Variants in TLE4 observed in about 807,000 individuals in gnomAD.
TLE4 encodes TLE family member 4, transcriptional corepressor, also known as transducin-like enhancer protein 4.
TLE4 carries 8 observed loss-of-function variants against 92.8 expected under a neutral mutation model. The ratio of observed to expected loss-of-function variants is 0.09; its 90% CI spans 0.05 to 0.16. TLE4 has a LOEUF of 0.16. Ranked by LOEUF, TLE4 falls within the 10% of genes least tolerant of loss-of-function variation. The pLI is 1.00. For missense variants in TLE4, 675 were observed against 997.6 expected (o/e 0.68, Z 4.36); for synonymous variants, 371 against 374.1 (o/e 0.99, Z 0.10).
chr9:79,680,634 A>G (rs1383076344), intron 8 of TLE4, among the ~76,000 whole-genome samples: 1 of 152,166 alleles, frequency 6.6e-6, no homozygotes, highest in South Asian at 2.1e-4. Context: ...CTCCTGCCTG[A>G]TTGCCATGGC....
At chr9:79,607,338 T>C (rs952554111) in intron 4 of TLE4, among the ~76,000 whole-genome samples, 2 of 152,212 alleles carry the variant, frequency 1.3e-5, no homozygotes, top group African/African-American at 2.4e-5. Flanking sequence ...TTCACTCTGA[T>C]GGTAGTTTCT....
intron 16 of TLE4, 89 bp downstream of exon 16, chr9:79,720,382 GTGTGTGTGTGT>G (rs2075394111): frequency 6.2e-5 from 5 of 80,242 alleles, no homozygotes; most frequent in African/African-American, 3.0e-4. Flanking sequence ...GTATGGGTGT[GTGTGTGTGTGT>G]GTGTGTGTGT....
At chr9:79,630,586 A>T (rs2133651737) in intron 6 of TLE4, among the ~76,000 whole-genome samples, 1 of 152,266 alleles carries the variant, frequency 6.6e-6, no homozygotes, top group South Asian at 2.1e-4. Context: ...TGATTTTGTC[A>T]TGTGTCCTGC....
chr9:79,578,942 C>CAAAAAA (rs11322127), intron 4 of TLE4, among the ~76,000 whole-genome samples: 1 of 101,290 alleles, frequency 9.9e-6, no homozygotes, highest in African/African-American at 3.5e-5. Context: ...GCAGATGAAG[C>CAAAAAA]AAAAAAAAAA....
At chr9:79,709,547 A>G (rs2072676875) in intron 13 of TLE4, 76 bp from the exon 14 acceptor site, 1 of 1,302,202 alleles carries the variant, frequency 7.7e-7, no homozygotes, top group Non-Finnish European at 1.1e-6. Flanking sequence ...CAGGTTTTAG[A>G]ATAGATTTTG....
At chr9:79,718,537 G>A (rs1037291952) in intron 14 of TLE4, among the ~76,000 whole-genome samples, 185 bp from the exon 15 acceptor site, 3 of 152,174 alleles carry the variant, frequency 2.0e-5, no homozygotes, top group Admixed American at 6.5e-5. Flanking sequence ...CCTGAGATCT[G>A]GCCCTGTAGC....
intron 7 of TLE4, 88 bp from the exon 8 acceptor site, chr9:79,653,971 C>A: frequency 7.1e-7 from 1 of 1,398,996 alleles, no homozygotes; most frequent in South Asian, 1.2e-5. Flanking sequence ...TTTGATAAAT[C>A]AGTATGATTT....
chr9:79,679,213 G>T (rs903751736), intron 8 of TLE4, among the ~76,000 whole-genome samples: 3 of 152,044 alleles, frequency 2.0e-5, no homozygotes, highest in Non-Finnish European at 4.4e-5. Flanking sequence ...TTCCACAATG[G>T]TTGAACTAGT....
chr9:79,674,849 C>T (rs2063005754), intron 8 of TLE4, among the ~76,000 whole-genome samples: 1 of 152,094 alleles, frequency 6.6e-6, no homozygotes, highest in East Asian at 1.9e-4. Context: ...TCCTCTTCTA[C>T]CAGTTCAGAA....
At chr9:79,682,730 A>G (rs1307140518) in intron 8 of TLE4, among the ~76,000 whole-genome samples, 1 of 152,198 alleles carries the variant, frequency 6.6e-6, no homozygotes, top group East Asian at 1.9e-4. Context: ...GGCATTTAAA[A>G]TCATGAGAAT....
chr9:79,706,165 C>G (rs1366810861), intron 10 of TLE4, among the ~76,000 whole-genome samples: 1 of 152,102 alleles, frequency 6.6e-6, no homozygotes, highest in Non-Finnish European at 1.5e-5. Flanking sequence ...CCTGTTCAGC[C>G]TCCCGAGTAG....
chr9:79,615,970 C>A (rs1385137525), intron 5 of TLE4, among the ~76,000 whole-genome samples: 2 of 152,148 alleles, frequency 1.3e-5, no homozygotes, highest in African/African-American at 2.4e-5. Flanking sequence ...TTCTCAATAT[C>A]AGAATTTAGA....
At chr9:79,652,925 T>G (rs1241650754) in intron 7 of TLE4, 131 bp downstream of exon 7, 8 of 1,011,834 alleles carry the variant, frequency 7.9e-6, no homozygotes, top group Non-Finnish European at 9.3e-6. Flanking sequence ...CACTGGAAGG[T>G]AAATTAATTA....
At chr9:79,658,215 A>G (rs2060032172) in intron 8 of TLE4, among the ~76,000 whole-genome samples, 1 of 152,182 alleles carries the variant, frequency 6.6e-6, no homozygotes, top group African/African-American at 2.4e-5. Context: ...GCCAAATGCA[A>G]TGTTTGAATA....
At chr9:79,607,916 G>GT (rs1380987485) in intron 4 of TLE4, among the ~76,000 whole-genome samples, 1 of 151,918 alleles carries the variant, frequency 6.6e-6, no homozygotes, top group Non-Finnish European at 1.5e-5. Flanking sequence ...CTTTAAAGTA[G>GT]TTTTTTCCAA....
At chr9:79,687,486 C>T (rs983377415) in intron 8 of TLE4, among the ~76,000 whole-genome samples, 2 of 152,104 alleles carry the variant, frequency 1.3e-5, no homozygotes, top group Non-Finnish European at 2.9e-5. Flanking sequence ...TTGTAACATT[C>T]TTTTTTCCTC....
At chr9:79,696,953 C>T (rs752102431) in intron 8 of TLE4, among the ~76,000 whole-genome samples, 1 of 152,090 alleles carries the variant, frequency 6.6e-6, no homozygotes, top group African/African-American at 2.4e-5. Context: ...CAGTCAAACT[C>T]ATGTACCACA....
intron 8 of TLE4, among the ~76,000 whole-genome samples, chr9:79,678,166 G>C (rs566111367): frequency 6.6e-6 from 1 of 152,168 alleles, no homozygotes; most frequent in South Asian, 2.1e-4. Flanking sequence ...CAAGCATCTA[G>C]ATGCATAGGT....
chr9:79,652,736 T>C lies in TLE4; in HGVS notation c.534T>C (p.Gly178=). 6.2e-6 allele frequency: 10 copies of C among 1,614,086 alleles called. No individual in the cohort carries two copies. Among genetic ancestry groups the C allele is most frequent in the Non-Finnish European group, 8.5e-6 (10 of 1,180,016 alleles). ...TGGCCCTCTCCAGTGCTCTAGGAGG[T>C]CAGTCCCATCTTCCAATTAAAGATG... ...GLLALSSALG[G]QSHLPIKDEK... The change falls in exon 7 of 20, where the codon GGT becomes GGC. Residue 178 remains glycine (G), a synonymous_variant. Coordinates refer to ENST00000376552, the MANE Select transcript of TLE4 (RefSeq NM_007005.6).
Sources: allele counts gnomAD v4.1 joint callset (sites outside exome capture counted in the v4.1 genomes callset), GRCh38; gene constraint gnomAD v4.1.1; transcripts MANE v1.5; gene names NCBI Gene and HGNC (gene_info 2026-07-23, HGNC 2026-07-21).